DOK5: variants seen among roughly 807,000 people sequenced by gnomAD.
The protein encoded by DOK5 is docking protein 5, also known as downstream of tyrosine kinase 5.
In DOK5, 27 loss-of-function variants were observed where a neutral mutation model predicts 43.3. The ratio of observed to expected loss-of-function variants is 0.62; its 90% CI spans 0.46 to 0.86. The LOEUF is 0.86. DOK5 is among the 40% of genes least tolerant of loss of function. DOK5 has a pLI of 0.00. For synonymous variants in DOK5, 146 were observed against 140.1 expected (o/e 1.04, Z -0.30); for missense variants, 373 against 392.9 (o/e 0.95, Z 0.43).
intron 6 of DOK5, among the ~76,000 whole-genome samples, chr20:54,627,488 G>A (rs1236591824): frequency 6.6e-6 from 1 of 152,208 alleles, no homozygotes; most frequent in Non-Finnish European, 1.5e-5. Context: ...TAAGTAGAAA[G>A]TCAGGACGGG....
intron 1 of DOK5, among the ~76,000 whole-genome samples, chr20:54,476,437 G>A (rs902763548): frequency 3.9e-5 from 6 of 152,206 alleles, no homozygotes; most frequent in African/African-American, 9.6e-5. Flanking sequence ...ACGCATACTC[G>A]GTGTGAACGA....
At chr20:54,600,539 A>G (rs994247007) in intron 5 of DOK5, among the ~76,000 whole-genome samples, 3 of 152,156 alleles carry the variant, frequency 2.0e-5, no homozygotes, top group African/African-American at 7.2e-5. Context: ...GATGGAGTCC[A>G]GAGAAGTACC....
chr20:54,569,579 T>C (rs1985217316), intron 2 of DOK5, among the ~76,000 whole-genome samples: 1 of 152,240 alleles, frequency 6.6e-6, no homozygotes, highest in African/African-American at 2.4e-5. Flanking sequence ...GGTAATAGCC[T>C]GCACCTTTAA....
At chr20:54,567,967 AT>A (rs1169306556) in intron 2 of DOK5, among the ~76,000 whole-genome samples, 1 of 152,164 alleles carries the variant, frequency 6.6e-6, no homozygotes, top group Non-Finnish European at 1.5e-5. Context: ...TGAGTATCTA[AT>A]TTGTATAAGC....
chr20:54,643,526 C>T lies in DOK5; in HGVS notation c.804C>T (p.Tyr268=). 6.2e-7 allele frequency: 1 copy of T among 1,613,640 alleles called. No homozygotes were observed. The highest frequency in any genetic ancestry group is 8.5e-7 in the Non-Finnish European group (1 of 1,180,048). ...TGGTGCCCCTGCCTCGCAGCGCCTA[C>T]TGGCAGCACATCACACGGCAGCACA... is the stretch of plus-strand genomic sequence containing the variant. ...STMVPLPRSA[Y]WQHITRQHST... Residue 268 remains tyrosine, a synonymous_variant, in exon 7 of 8, where the codon TAC becomes TAT. Transcript: ENST00000262593.
chr20:54,565,123 T>A (rs1182843459), intron 2 of DOK5, among the ~76,000 whole-genome samples: 2 of 152,210 alleles, frequency 1.3e-5, no homozygotes, highest in Non-Finnish European at 2.9e-5. Flanking sequence ...TCTCACTTTA[T>A]GTGTGGGGGA....
intron 1 of DOK5, among the ~76,000 whole-genome samples, chr20:54,493,294 C>A (rs573902384): frequency 1.3e-5 from 2 of 152,188 alleles, no homozygotes; most frequent in African/African-American, 2.4e-5. Flanking sequence ...TGTGTCACAC[C>A]ATACTACCCA....
rs6098042 is a variant in DOK5 at position 54,517,740 on chromosome 20, C to A, written c.67-37193C>A. Among the ~76,000 whole-genome samples the A allele has an allele frequency of 3.0e-3, 458 of 152,124 alleles. 3 individuals carry two copies. Among genetic ancestry groups the A allele is most frequent in the African/African-American group, 0.011 (439 of 41,500 alleles). ...AGGATTTGGTATTAGGAGATGGGGC[C>A]TTTGGGAGGTGATGAAGTCATGAAT... is the stretch of plus-strand genomic sequence containing the variant. On this transcript the variant is annotated intron_variant, in intron 1 of 7. Coordinates refer to ENST00000262593, the MANE Select transcript of DOK5 (RefSeq NM_018431.5).
Position 54,628,709 on chromosome 20 carries a change from G to A in DOK5, c.736-14749G>A, listed in dbSNP as rs74840593. Among the ~76,000 whole-genome samples the A allele has an allele frequency of 7.7e-3, 1,173 of 152,150 alleles. 7 individuals carry two copies. Among genetic ancestry groups the A allele is most frequent in the African/African-American group, 0.027 (1,116 of 41,486 alleles). ...TGTATCGATTAAATGAACCTGCTCC[G>A]TCAAGCAGAACGAGCCCCCCAAAAT... On this transcript the variant is annotated intron_variant, in intron 6 of 7. Coordinates refer to ENST00000262593, the MANE Select transcript of DOK5 (RefSeq NM_018431.5).
At chr20:54,624,393 A>T (rs1987075712) in intron 6 of DOK5, among the ~76,000 whole-genome samples, 1 of 152,240 alleles carries the variant, frequency 6.6e-6, no homozygotes, top group Non-Finnish European at 1.5e-5. Context: ...TCGAGCCTGT[A>T]AACCTCTGGA....
chr20:54,635,223 T>C (rs757529423), intron 6 of DOK5, among the ~76,000 whole-genome samples: 4 of 152,172 alleles, frequency 2.6e-5, no homozygotes, highest in Non-Finnish European at 4.4e-5. Context: ...GACATTTAAG[T>C]ATTTTACTCC....
intron 6 of DOK5, among the ~76,000 whole-genome samples, chr20:54,611,831 A>C (rs1230962368): frequency 6.6e-6 from 1 of 152,212 alleles, no homozygotes; most frequent in Non-Finnish European, 1.5e-5. Flanking sequence ...AAAGCATGCC[A>C]GTAATGTGAT....
At chr20:54,593,422 G>A (rs1986040959) in intron 5 of DOK5, among the ~76,000 whole-genome samples, 1 of 152,040 alleles carries the variant, frequency 6.6e-6, no homozygotes, top group South Asian at 2.1e-4. Context: ...TAAGTACCTA[G>A]AAACAAGTTG....
At chr20:54,550,362 C>G (rs1984488043) in intron 1 of DOK5, among the ~76,000 whole-genome samples, 1 of 152,136 alleles carries the variant, frequency 6.6e-6, no homozygotes, top group Admixed American at 6.5e-5. Flanking sequence ...ACAAAAAGAT[C>G]CTATACCCTC....
At chr20:54,625,555 TAAGAGGCCAGGTCCTA>T (rs1259810459) in intron 6 of DOK5, among the ~76,000 whole-genome samples, 1 of 152,142 alleles carries the variant, frequency 6.6e-6, no homozygotes, top group Non-Finnish European at 1.5e-5. Context: ...AGCTCTGGAG[TAAGAGGCCAGGTCCTA>T]TATCCTGGCT....
At chr20:54,625,715 C>T (rs1013080280) in intron 6 of DOK5, among the ~76,000 whole-genome samples, 2 of 152,190 alleles carry the variant, frequency 1.3e-5, no homozygotes, top group Non-Finnish European at 2.9e-5. Flanking sequence ...TTTCTTGGCA[C>T]AGTGCCTGGT....
chr20:54,517,587 G>A (rs967641544), intron 1 of DOK5, among the ~76,000 whole-genome samples: 5 of 152,038 alleles, frequency 3.3e-5, no homozygotes, highest in Admixed American at 6.6e-5. Flanking sequence ...TTATAATAAC[G>A]ATGAAGGTGC....
In DOK5 at chr20:54,603,940, ATTTTTTTTT is replaced by A. The variant is rs35690531; in HGVS notation, c.600-6432_600-6424del. On this transcript the variant is annotated intron_variant, in intron 5 of 7. Transcript: ENST00000262593. ...ATTGTACTCCACTTGTTCAAACTGT[ATTTTTTTTT>A]TTTTTTTTTTTTTTTGAGACGGAGT... 2.9e-4 allele frequency among the ~76,000 whole-genome samples: 22 copies of A among 76,274 alleles called. 1 individual carries two copies. Among genetic ancestry groups the A allele is most frequent in the African/African-American group, 1.2e-3 (21 of 17,462 alleles). 50.0% of individuals were successfully genotyped at this position (76,274 alleles called of 152,430 possible).
intron 1 of DOK5, among the ~76,000 whole-genome samples, chr20:54,529,024 A>G (rs1217457611): frequency 1.3e-5 from 2 of 152,204 alleles, no homozygotes; most frequent in Admixed American, 1.3e-4. Flanking sequence ...CACCTCCTGC[A>G]TGACTGTTCT....
Sources: gnomAD v4.1 joint callset for allele counts (sites outside exome capture counted in the v4.1 genomes callset) on GRCh38, gnomAD v4.1.1 for gene constraint, MANE v1.5 for transcripts, NCBI Gene and HGNC (gene_info 2026-07-23, HGNC 2026-07-21) for gene names.